The following SIRT3 variants were observed in gnomAD, a reference collection of about 807,000 sequenced individuals.
The protein encoded by SIRT3 is sirtuin 3.
Under a neutral mutation model 33.5 loss-of-function variants are expected in SIRT3, and 26 were observed. The ratio of observed to expected loss-of-function variants is 0.78; its 90% CI spans 0.57 to 1.08. The LOEUF is 1.08. SIRT3 is among the 50% of genes least tolerant of loss of function. The probability of loss-of-function intolerance (pLI) is 0.00; values close to 1 mark genes in which losing one functional copy is unlikely to be tolerated. For synonymous variants in SIRT3, 237 were observed against 222.1 expected (o/e 1.07, Z -0.60); for missense variants, 585 against 530.1 (o/e 1.10, Z -1.02).
Position 223,778 on chromosome 11 carries a change from C to T in SIRT3, c.969+300G>A, listed in dbSNP as rs532779708. ...TTCACCTTCCCAAAGTGGCACCAGC[C>T]CTGGAAGGGCCCATGAGATGACTCC... On this transcript the variant is annotated intron_variant, in intron 5 of 6. Coordinates refer to ENST00000382743, the MANE Select transcript of SIRT3 (RefSeq NM_012239.6). This position sits in a 1 kb window ranked among gnomAD's most constrained non-coding sequence, Gnocchi z 4.8. The T allele has an allele frequency of 2.7e-6, 3 of 1,113,208 alleles. No individual in the cohort carries two copies. In the African/African-American group the frequency reaches 4.9e-5, roughly 18 times the overall value. 69.0% of individuals were successfully genotyped at this position (1,113,208 alleles called of 1,614,324 possible).
intron 1 of SIRT3, 85 bp downstream of exon 1, chr11:235,963 G>A (rs1435094519): frequency 8.7e-6 from 12 of 1,377,684 alleles, no homozygotes; most frequent in Admixed American, 6.5e-5. Context: ...CAGACATGCC[G>A]CAAAGGAAAC....
At chr11:229,396 G>C (rs988829958) in intron 4 of SIRT3, among the ~76,000 whole-genome samples, 3 of 151,682 alleles carry the variant, frequency 2.0e-5, no homozygotes, top group African/African-American at 7.3e-5. Context: ...AGTGAGCCGA[G>C]ATTGCGCCAC....
At chr11:232,095 GTTT>G (rs1352957091) in intron 3 of SIRT3, among the ~76,000 whole-genome samples, 1 of 151,746 alleles carries the variant, frequency 6.6e-6, no homozygotes, top group Non-Finnish European at 1.5e-5. Flanking sequence ...TATCAGAGTT[GTTT>G]TTATTTTTTA....
At chr11:235,169 C>T (rs1251222995) in intron 1 of SIRT3, among the ~76,000 whole-genome samples, 1 of 151,322 alleles carries the variant, frequency 6.6e-6, no homozygotes, top group Non-Finnish European at 1.5e-5. Context: ...AGCTACCGCG[C>T]CCGGCCAACT....
Position 223,050 on chromosome 11 carries a change from CAAACACA to C in SIRT3, c.969+1021_969+1027del, listed in dbSNP as rs1856644953. Reference sequence around the variant, plus strand: ...GCCCAGCACACAATGAATGCCTGAACAAACACATGCTCTGGGCCCCTGTGGCTGCCCT... The same window carrying C: ...GCCCAGCACACAATGAATGCCTGAACTGCTCTGGGCCCCTGTGGCTGCCCT... On this transcript the variant is annotated intron_variant, in intron 5 of 6. Coordinates refer to ENST00000382743, the MANE Select transcript of SIRT3 (RefSeq NM_012239.6). This position sits in a 1 kb window ranked among gnomAD's most constrained non-coding sequence, Gnocchi z 4.8. The C allele has an allele frequency of 2.0e-5, 3 of 152,874 alleles. No individual in the cohort carries two copies. Among genetic ancestry groups the C allele is most frequent in the African/African-American group, 4.8e-5 (2 of 41,434 alleles). The allele number at this position is 152,874 out of a possible 1,614,324, so 9.5% of individuals were successfully genotyped here.
At chr11:234,911 T>C (rs915846260) in intron 1 of SIRT3, among the ~76,000 whole-genome samples, 26 of 151,912 alleles carry the variant, frequency 1.7e-4, no homozygotes, top group African/African-American at 4.6e-4. Context: ...GAGTTTTTGC[T>C]CTTTCGCCCG....
chr11:226,676 G>A (rs918474608), intron 4 of SIRT3, among the ~76,000 whole-genome samples: 2 of 151,880 alleles, frequency 1.3e-5, no homozygotes, highest in African/African-American at 4.8e-5. Context: ...CCAAAGTACT[G>A]GGATTACAGG....
At chr11:220,315 A>G (rs10902107) in intron 5 of SIRT3, among the ~76,000 whole-genome samples, 109,350 of 139,164 alleles carry the variant, frequency 0.79, 43,304 homozygotes, top group African/African-American at 0.87. Context: ...TGGGAGACAG[A>G]GCAAGACTCT....
rs750208270 is a variant in SIRT3 at position 219,035 on chromosome 11, G to T, written c.976C>A (p.Pro326Thr). ...LILGTSLEVE[P>T]FASLTEAVRS... ...ACGGCCTCGGTCAAGCTGGCAAAAG[G>T]CTCCACCTGAAAAATGGGCCAAACG... The change falls in exon 6 of 7, where the codon CCT becomes ACT. Residue 326 changes from proline to threonine, a missense_variant. Pro to Thr is a conservative substitution (Grantham distance 38). Coordinates refer to ENST00000382743, the MANE Select transcript of SIRT3 (RefSeq NM_012239.6). 3 of 1,611,496 alleles carry T rather than the reference G, an allele frequency of 1.9e-6. No individual in the cohort carries two copies. Among genetic ancestry groups the T allele is most frequent in the Admixed American group, 3.3e-5 (2 of 59,814 alleles).
intron 1 of SIRT3, among the ~76,000 whole-genome samples, chr11:235,180 C>T (rs564467498): frequency 6.8e-6 from 1 of 146,104 alleles, no homozygotes; most frequent in African/African-American, 2.6e-5. Context: ...CCGGCCAACT[C>T]TTCAGGATCT....
chr11:232,890 T>G, intron 3 of SIRT3, 93 bp downstream of exon 3: 4 of 1,216,688 alleles, frequency 3.3e-6, no homozygotes, highest in Non-Finnish European at 4.7e-6. Flanking sequence ...GAGCATCCCC[T>G]GTGAGAAACA....
chr11:216,808 C>T, intron 6 of SIRT3, 90 bp from the exon 7 acceptor site: 2 of 1,365,746 alleles, frequency 1.5e-6, no homozygotes, highest in Non-Finnish European at 2.1e-6. Context: ...TAGCTGCAGA[C>T]ATGCAAAATA....
In SIRT3 at chr11:215,672, C is replaced by T. The variant is rs906886736; in HGVS notation, c.*1026G>A. 1 of 152,344 alleles carries T rather than the reference C, an allele frequency of 6.6e-6. No homozygotes were observed. Among genetic ancestry groups the T allele is most frequent in the African/African-American group, 2.4e-5 (1 of 41,396 alleles). The allele number at this position is 152,344 out of a possible 1,614,324, so 9.4% of individuals were successfully genotyped here. A position where few individuals can be genotyped will look rare whatever the true frequency, so the allele number is the denominator to read the frequency against. On this transcript the variant is annotated 3_prime_UTR_variant, in exon 7 of 7. Coordinates refer to ENST00000382743, the MANE Select transcript of SIRT3 (RefSeq NM_012239.6). The stretch of plus-strand genomic sequence containing the variant: ...GAGGATGTGCAGGTGGGTGAGAGCC[C>T]AGGAGGGAGCAGCTGGTGCCTGACA...
In SIRT3 at chr11:223,596, C is replaced by T. The variant is rs1289978374; in HGVS notation, c.969+482G>A. 1.9e-5 allele frequency: 8 copies of T among 431,668 alleles called. No individual in the cohort carries two copies. The highest frequency in any genetic ancestry group is 1.2e-4 in the South Asian group (6 of 49,992). 26.7% of individuals were successfully genotyped at this position (431,668 alleles called of 1,614,324 possible). A position where few individuals can be genotyped will look rare whatever the true frequency, so the allele number is the denominator to read the frequency against. On this transcript the variant is annotated intron_variant, in intron 5 of 6. Transcript: ENST00000382743. This position sits in a 1 kb window ranked among gnomAD's most constrained non-coding sequence, Gnocchi z 4.8. The stretch of plus-strand genomic sequence containing the variant: ...TCCTGATCTGACCTGGGAGGCCCTG[C>T]CCCTCCACCTCGCCCCCACACCCCC...
At chr11:227,165 C>T (rs1857293013) in intron 4 of SIRT3, among the ~76,000 whole-genome samples, 1 of 151,954 alleles carries the variant, frequency 6.6e-6, no homozygotes, top group Non-Finnish European at 1.5e-5. Flanking sequence ...AGAGGCCAGA[C>T]ACGGTGGCTC....
chr11:223,843 CA>C lies in SIRT3; in HGVS notation c.969+234del. On this transcript the variant is annotated intron_variant, in intron 5 of 6. Transcript: ENST00000382743. This position sits in a 1 kb window ranked among gnomAD's most constrained non-coding sequence, Gnocchi z 4.8. Reference sequence around the variant, plus strand: ...CCCCTGCCCTCCAGCCTCCTCCCTGCACAGGCCTGCCGACAGCCCATGAGAT... The same window carrying C: ...CCCCTGCCCTCCAGCCTCCTCCCTGCCAGGCCTGCCGACAGCCCATGAGAT... 3.3e-6 allele frequency: 2 copies of C among 599,208 alleles called. No homozygotes were observed. Among genetic ancestry groups the C allele is most frequent in the South Asian group, 1.6e-5 (1 of 63,262 alleles). 37.1% of individuals were successfully genotyped at this position (599,208 alleles called of 1,614,324 possible).
At chr11:230,685 C>A in intron 3 of SIRT3, 133 bp from the exon 4 acceptor site, 1 of 463,114 alleles carries the variant, frequency 2.2e-6, no homozygotes, top group Non-Finnish European at 3.7e-6. Context: ...GTCCTCAAGC[C>A]TGGTTTTCAT....
rs200782851 is a variant in SIRT3, at chr11:216,332, C to T, written c.*366G>A. ...TGTAACCAACAGATGCCGAGCTTGC[C>T]GTTCAACTAGGCACAGAAAGCAGAC... On this transcript the variant is annotated 3_prime_UTR_variant, in exon 7 of 7. Transcript: ENST00000382743. 15 of 233,416 alleles carry T rather than the reference C, an allele frequency of 6.4e-5. No homozygotes were observed. The highest frequency in any genetic ancestry group is 1.7e-4 in the Admixed American group (3 of 17,696). 14.5% of individuals were successfully genotyped at this position (233,416 alleles called of 1,614,324 possible). A position where few individuals can be genotyped will look rare whatever the true frequency, so the allele number is the denominator to read the frequency against.
chr11:228,775 A>ACAT (rs71019892), intron 4 of SIRT3, among the ~76,000 whole-genome samples: 23,728 of 152,200 alleles, frequency 0.16, 2,328 homozygotes, highest in Middle Eastern at 0.22. Flanking sequence ...GCATCAAAAG[A>ACAT]CATCAACAAA....
Sources: allele counts gnomAD v4.1 joint callset (sites outside exome capture counted in the v4.1 genomes callset), GRCh38; gene constraint gnomAD v4.1.1; non-coding constraint Gnocchi (gnomAD v3.1); transcripts MANE v1.5; gene names NCBI Gene and HGNC (gene_info 2026-07-23, HGNC 2026-07-21).